EPHA4: variants seen among roughly 807,000 people sequenced by gnomAD.
The protein encoded by EPHA4 is EPH receptor A4, also known as ephrin type-A receptor 4.
Under a neutral mutation model 108.3 loss-of-function variants are expected in EPHA4, and 19 were observed. That is an observed-to-expected ratio of 0.18 (90% CI 0.12 to 0.26). The LOEUF (loss-of-function observed/expected upper bound fraction) is 0.26. Ranked by LOEUF, EPHA4 falls within the 10% of genes least tolerant of loss-of-function variation. The pLI, the probability that EPHA4 is intolerant of heterozygous loss-of-function variation, is 1.00. For missense variants in EPHA4, 917 were observed against 1,254.0 expected, an observed-to-expected ratio of 0.73 and a Z score of 4.06; for synonymous variants, 449 against 455.5, an observed-to-expected ratio of 0.99 and a Z score of 0.18.
intron 3 of EPHA4, among the ~76,000 whole-genome samples, chr2:221,509,080 C>G (rs2710501): frequency 0.76 from 115,098 of 152,184 alleles, 44,489 homozygotes; most frequent in East Asian, 1. Context: ...TGTAATCCCA[C>G]CACTTTGGGA....
intron 14 of EPHA4, among the ~76,000 whole-genome samples, chr2:221,432,769 G>A (rs969751029): frequency 1.3e-5 from 2 of 149,842 alleles, no homozygotes; most frequent in African/African-American, 4.9e-5. Flanking sequence ...TCAGCGTCCC[G>A]AGTAGCTGGG....
intron 9 of EPHA4, among the ~76,000 whole-genome samples, chr2:221,445,552 T>G (rs957414662): frequency 1.4e-5 from 2 of 140,686 alleles, no homozygotes; most frequent in Non-Finnish European, 3.0e-5. Flanking sequence ...ATCATGCCAG[T>G]GCACTCCAGC....
At chr2:221,554,113 T>C (rs918838264) in intron 3 of EPHA4, among the ~76,000 whole-genome samples, 11 of 152,244 alleles carry the variant, frequency 7.2e-5, no homozygotes, top group African/African-American at 2.4e-4. Context: ...AAGAGCCAGA[T>C]AAGCAGCTGA....
At position 221,458,353 on chromosome 2, in the gene EPHA4, G is replaced by A. The variant is rs376253829; in HGVS notation, c.1319-363C>T. Reference sequence around the variant, plus strand: ...CAGCCTTTGGAAGACCTCATTTTAAGCTCAGTAAAGCTACATCTAATCCTA... The same window carrying A: ...CAGCCTTTGGAAGACCTCATTTTAAACTCAGTAAAGCTACATCTAATCCTA... On this transcript the variant is annotated intron_variant, in intron 5 of 17. Transcript: ENST00000281821. Among the ~76,000 whole-genome samples the A allele has an allele frequency of 1.6e-4, 25 of 152,262 alleles. No homozygotes were observed. The South Asian group carries it at 4.8e-3, about 29-fold the overall frequency.
At chr2:221,510,309 A>G (rs1018433728) in intron 3 of EPHA4, among the ~76,000 whole-genome samples, 1 of 152,226 alleles carries the variant, frequency 6.6e-6, no homozygotes, top group African/African-American at 2.4e-5. Flanking sequence ...GTATGTAAAA[A>G]TTTATTTTTA....
At chr2:221,458,061 A>C (rs531608386) in intron 5 of EPHA4, 71 bp from the exon 6 acceptor site, 1 of 1,554,634 alleles carries the variant, frequency 6.4e-7, no homozygotes, top group African/African-American at 1.4e-5. Context: ...GTAGCCAGAA[A>C]TAATTTCATC....
chr2:221,446,683 C>T (rs543464298), intron 8 of EPHA4, among the ~76,000 whole-genome samples: 52 of 152,252 alleles, frequency 3.4e-4, no homozygotes, highest in African/African-American at 1.2e-3. Flanking sequence ...ACTACTACCA[C>T]AAAACTTCAT....
chr2:221,535,560 C>T (rs1693644064), intron 3 of EPHA4, among the ~76,000 whole-genome samples: 1 of 152,126 alleles, frequency 6.6e-6, no homozygotes, highest in African/African-American at 2.4e-5. Context: ...ATCAATTATG[C>T]CAAATCAAAG....
In EPHA4 at chr2:221,478,327, G is replaced by A. The variant is rs1015617715; in HGVS notation, c.1318+4025C>T. On this transcript the variant is annotated intron_variant, in intron 5 of 17. Coordinates refer to ENST00000281821, the MANE Select transcript of EPHA4 (RefSeq NM_004438.5). The stretch of plus-strand genomic sequence containing the variant: ...ATCCTGTATTCATTTGCCTGAGATG[G>A]TCCACTTAAGTGAAAGTAAACCAAA... Among the ~76,000 whole-genome samples the A allele has an allele frequency of 3.3e-5, 5 of 152,114 alleles. No homozygotes were observed. The East Asian group carries it at 9.6e-4, about 29-fold the overall frequency.
intron 8 of EPHA4, 65 bp from the exon 9 acceptor site, chr2:221,446,246 T>A: frequency 1.0e-6 from 1 of 989,062 alleles, no homozygotes. Flanking sequence ...ACACATGCCA[T>A]AAGACAAATT....
At chr2:221,444,744 C>CTTTTTTTTTTTTTTTTTTTTTT in intron 9 of EPHA4, among the ~76,000 whole-genome samples, 1 of 74,982 alleles carries the variant, frequency 1.3e-5, no homozygotes, top group Non-Finnish European at 2.4e-5. Context: ...TTTTTTCTAT[C>CTTTTTTTTTTTTTTTTTTTTTT]TTTTTTTTTT....
chr2:221,481,711 C>T (rs893930523), intron 5 of EPHA4, among the ~76,000 whole-genome samples: 10 of 152,052 alleles, frequency 6.6e-5, no homozygotes, highest in South Asian at 2.1e-4. Flanking sequence ...AAGTAAACTT[C>T]GTTAACTATA....
chr2:221,500,902 T>G lies in EPHA4; in HGVS notation c.979+115A>C, dbSNP rs58899218. ...TGCTATGATTGAGAAAGGATGAATGTTTGATCTCAAGTGCCCCCTGAATGA... is the reference window on the plus strand; with the variant it reads ...TGCTATGATTGAGAAAGGATGAATGGTTGATCTCAAGTGCCCCCTGAATGA... On this transcript the variant is annotated intron_variant, in intron 4 of 17. Coordinates refer to ENST00000281821, the MANE Select transcript of EPHA4 (RefSeq NM_004438.5). The G allele has an allele frequency of 4.7e-3, 5,363 of 1,142,698 alleles. 176 individuals carry two copies. The African/African-American group carries it at 0.073, about 16-fold the overall frequency. The allele number at this position is 1,142,698 out of a possible 1,614,324, so 70.8% of individuals were successfully genotyped here. A position where few individuals can be genotyped will look rare whatever the true frequency, so the allele number is the denominator to read the frequency against.
intron 5 of EPHA4, among the ~76,000 whole-genome samples, chr2:221,467,477 A>T (rs767926321): frequency 1.3e-5 from 2 of 152,242 alleles, no homozygotes; most frequent in Non-Finnish European, 2.9e-5. Flanking sequence ...TGAAAGATGT[A>T]AGGTTTTGCA....
chr2:221,474,513 G>T (rs1281391442), intron 5 of EPHA4, among the ~76,000 whole-genome samples: 1 of 151,854 alleles, frequency 6.6e-6, no homozygotes, highest in East Asian at 1.9e-4. Flanking sequence ...CTAGACCAGA[G>T]CTATTAATGA....
chr2:221,566,872 A>AGAAGGAGAAGGAGAAGG (rs1345332620), intron 2 of EPHA4, among the ~76,000 whole-genome samples: 6 of 41,604 alleles, frequency 1.4e-4, no homozygotes, highest in Admixed American at 3.4e-4. Flanking sequence ...GAAGAAGAAG[A>AGAAGGAGAAGGAGAAGG]AGAAGGAGAA....
intron 3 of EPHA4, among the ~76,000 whole-genome samples, chr2:221,541,965 C>CA (rs1186360886): frequency 5.9e-5 from 9 of 151,836 alleles, no homozygotes; most frequent in Admixed American, 3.3e-4. Flanking sequence ...AGAAAAAAAT[C>CA]AAAAAAATAT....
intron 4 of EPHA4, among the ~76,000 whole-genome samples, chr2:221,490,209 A>G (rs1398579543): frequency 6.6e-6 from 1 of 150,942 alleles, no homozygotes; most frequent in Non-Finnish European, 1.5e-5. Flanking sequence ...AAGCAAAATA[A>G]TAATAATAAT....
At chr2:221,431,478 C>T (rs1341648636) in intron 14 of EPHA4, among the ~76,000 whole-genome samples, 11 of 152,196 alleles carry the variant, frequency 7.2e-5, no homozygotes, top group African/African-American at 2.4e-4. Flanking sequence ...GCCCTCTGAT[C>T]CTTTTTCTCC....
Sources: gnomAD v4.1 joint callset for allele counts (sites outside exome capture counted in the v4.1 genomes callset) on GRCh38, gnomAD v4.1.1 for gene constraint, MANE v1.5 for transcripts, NCBI Gene and HGNC (gene_info 2026-07-23, HGNC 2026-07-21) for gene names.